PRICKLE1: variants seen among roughly 807,000 people sequenced by gnomAD.
PRICKLE1 encodes prickle-like protein 1.
In PRICKLE1, 14 loss-of-function variants were observed where a neutral mutation model predicts 70.2. That is an observed-to-expected ratio of 0.20 (90% CI 0.13 to 0.31). The LOEUF is 0.31. Ranked by LOEUF, PRICKLE1 falls within the 10% of genes least tolerant of loss-of-function variation. The pLI, the probability that PRICKLE1 is intolerant of heterozygous loss-of-function variation, is 1.00. For missense variants in PRICKLE1, 821 were observed against 1,026.2 expected, an observed-to-expected ratio of 0.80 and a Z score of 2.73; for synonymous variants, 357 against 379.9, an observed-to-expected ratio of 0.94 and a Z score of 0.70.
At chr12:42,529,013 C>T (rs1939862138) in intron 1 of PRICKLE1, among the ~76,000 whole-genome samples, 1 of 152,254 alleles carries the variant, frequency 6.6e-6, no homozygotes, top group Non-Finnish European at 1.5e-5. Context: ...GGCCCCTGTC[C>T]CTCTACTGTT....
intron 1 of PRICKLE1, among the ~76,000 whole-genome samples, chr12:42,494,971 G>A (rs73275837): frequency 0.053 from 7,856 of 149,070 alleles, 596 homozygotes; most frequent in African/African-American, 0.17. Flanking sequence ...CATAACTCAC[G>A]GCAACCTTGA....
At chr12:42,550,633 T>G (rs1940298981) in intron 1 of PRICKLE1, among the ~76,000 whole-genome samples, 7 of 152,228 alleles carry the variant, frequency 4.6e-5, no homozygotes, top group Admixed American at 3.9e-4. Context: ...GTTTTTGAAC[T>G]GTTTTCAACT....
At chr12:42,510,929 T>A (rs1462171474) in intron 1 of PRICKLE1, among the ~76,000 whole-genome samples, 2 of 152,162 alleles carry the variant, frequency 1.3e-5, no homozygotes, top group African/African-American at 4.8e-5. Flanking sequence ...CACACCAGGG[T>A]CCCAAGTCTT....
rs1402955748 is a variant in PRICKLE1, at chr12:42,470,256, T to A, written c.236A>T (p.His79Leu). The A allele has an allele frequency of 6.2e-7, 1 of 1,608,578 alleles. No individual in the cohort carries two copies. The highest frequency in any genetic ancestry group is 8.5e-7 in the Non-Finnish European group (1 of 1,175,046). ...TTCCTGCTATTTTACCTCATTATCA[T>A]GTGGTGGTAACTGGTACAAAAGCTG... The part of the protein sequence containing the change: ...IKQLLYQLPP[H>L]DNEVRYCQSL... The change falls in exon 3 of 8, where the codon CAT (histidine) becomes CTT (leucine). Residue 79 changes from histidine to leucine, a missense_variant. Transcript: ENST00000345127.
chr12:42,582,614 C>T (rs1940921516), intron 1 of PRICKLE1, among the ~76,000 whole-genome samples: 1 of 152,178 alleles, frequency 6.6e-6, no homozygotes, highest in South Asian at 2.1e-4. Flanking sequence ...GAGCACTAAG[C>T]AGTCTTCTTG....
chr12:42,498,098 A>C (rs1412420906), intron 1 of PRICKLE1, among the ~76,000 whole-genome samples: 6 of 133,980 alleles, frequency 4.5e-5, no homozygotes, highest in Admixed American at 1.6e-4. Context: ...GATCTCTAGC[A>C]TCAGCCTCCC....
At chr12:42,564,460 T>C (rs542342983) in intron 1 of PRICKLE1, among the ~76,000 whole-genome samples, 1 of 151,414 alleles carries the variant, frequency 6.6e-6, no homozygotes, top group South Asian at 2.1e-4. Flanking sequence ...TACAAAAAAT[T>C]GGTCAGGCGT....
intron 1 of PRICKLE1, among the ~76,000 whole-genome samples, chr12:42,581,598 T>C (rs1424577155): frequency 1.3e-5 from 2 of 151,824 alleles, no homozygotes; most frequent in East Asian, 3.9e-4. Context: ...AATACAAAAA[T>C]TAGCCAGGCG....
chr12:42,469,464 C>T lies in PRICKLE1; in HGVS notation c.370G>A (p.Ala124Thr), dbSNP rs79087668. Reference sequence around the variant, plus strand: ...GGGCTGCTCACCTGCTCACACACAGCATGCATGACTGCTCTGGACAGAAGC... The same window carrying T: ...GGGCTGCTCACCTGCTCACACACAGTATGCATGACTGCTCTGGACAGAAGC... ...IKLLSRAVMHAVCEQCGLKIN... is the reference protein window; with the variant it reads ...IKLLSRAVMHTVCEQCGLKIN... The change falls in exon 4 of 8, where the codon GCT becomes ACT. Residue 124 changes from alanine (A) to threonine (T), a missense_variant. Ala to Thr is a moderately conservative substitution (Grantham distance 58). Transcript: ENST00000345127. 10,918 of 1,614,184 alleles carry T rather than the reference C, an allele frequency of 6.8e-3. 270 individuals carry two copies. In the East Asian group the frequency reaches 0.084, roughly 12 times the overall value.
chr12:42,557,437 C>G (rs1302632017), intron 1 of PRICKLE1, among the ~76,000 whole-genome samples: 2 of 152,162 alleles, frequency 1.3e-5, no homozygotes, highest in African/African-American at 4.8e-5. Context: ...GCTCAAGTAG[C>G]TCAATTTGTG....
At chr12:42,541,600 A>C (rs1940117003) in intron 1 of PRICKLE1, among the ~76,000 whole-genome samples, 2 of 152,162 alleles carry the variant, frequency 1.3e-5, no homozygotes. Context: ...AGCCTCCCAA[A>C]GTGCTGGGAT....
intron 1 of PRICKLE1, among the ~76,000 whole-genome samples, chr12:42,476,969 T>C (rs894178115): frequency 2.0e-5 from 3 of 152,170 alleles, no homozygotes; most frequent in Admixed American, 6.5e-5. Context: ...TTTTTAAAGA[T>C]TGCTTGTACT....
chr12:42,465,638 T>C (rs991640935), intron 6 of PRICKLE1: 4 of 283,236 alleles, frequency 1.4e-5, no homozygotes, highest in Non-Finnish European at 2.7e-5. Context: ...TTGTGCTCTT[T>C]GTTGGTGAGT....
At chr12:42,477,955 CTTTTTT>C (rs35905569) in intron 1 of PRICKLE1, among the ~76,000 whole-genome samples, 1 of 133,136 alleles carries the variant, frequency 7.5e-6, no homozygotes, top group Admixed American at 7.5e-5. Context: ...CTGCCCTATA[CTTTTTT>C]TTTTTTTTTT....
At chr12:42,558,857 ATTAG>A (rs1387260371) in intron 1 of PRICKLE1, among the ~76,000 whole-genome samples, 1 of 152,238 alleles carries the variant, frequency 6.6e-6, no homozygotes, top group African/African-American at 2.4e-5. Flanking sequence ...AGTATATGGA[ATTAG>A]TTAATTTTTC....
chr12:42,516,685 T>A (rs1275125313), intron 1 of PRICKLE1, among the ~76,000 whole-genome samples: 1 of 152,188 alleles, frequency 6.6e-6, no homozygotes, highest in African/African-American at 2.4e-5. Context: ...TGTCTGTGTT[T>A]GGGAGGATGA....
At chr12:42,525,621 G>A (rs1318309306) in intron 1 of PRICKLE1, among the ~76,000 whole-genome samples, 1 of 152,100 alleles carries the variant, frequency 6.6e-6, no homozygotes, top group Non-Finnish European at 1.5e-5. Context: ...TTGTTGGCAG[G>A]GAGAAATTTC....
At chr12:42,553,064 GACTGGT>G (rs1222834160) in intron 1 of PRICKLE1, among the ~76,000 whole-genome samples, 2 of 152,212 alleles carry the variant, frequency 1.3e-5, no homozygotes, top group Non-Finnish European at 2.9e-5. Context: ...ACAGGACAAG[GACTGGT>G]ACTGGTCTTT....
intron 1 of PRICKLE1, among the ~76,000 whole-genome samples, chr12:42,543,310 A>G (rs1429259118): frequency 6.6e-6 from 1 of 152,078 alleles, no homozygotes; most frequent in African/African-American, 2.4e-5. Flanking sequence ...TGACACTTGA[A>G]CAATGTAGGT....
Sources: gnomAD v4.1 joint callset for allele counts (sites outside exome capture counted in the v4.1 genomes callset) on GRCh38, gnomAD v4.1.1 for gene constraint, MANE v1.5 for transcripts, NCBI Gene and HGNC (gene_info 2026-07-23, HGNC 2026-07-21) for gene names.